HSD17B12: variants seen among roughly 807,000 people sequenced by gnomAD.
HSD17B12 encodes very-long-chain 3-oxoacyl-CoA reductase.
Under a neutral mutation model 39.3 loss-of-function variants are expected in HSD17B12, and 32 were observed. The observed-to-expected ratio is 0.81, with a 90% confidence interval of 0.61 to 1.09. The LOEUF (loss-of-function observed/expected upper bound fraction) is 1.09, where lower values mean the gene tolerates loss of function less well. HSD17B12 is among the 50% of genes least tolerant of loss of function. HSD17B12 has a pLI of 0.00. For missense variants in HSD17B12, 342 were observed against 382.9 expected (o/e 0.89, Z 0.89); for synonymous variants, 150 against 146.7 (o/e 1.02, Z -0.16).
the HSD17B12 span, among the ~76,000 whole-genome samples, chr11:43,601,672 C>T: frequency 3.9e-5 from 6 of 152,170 alleles, no homozygotes; most frequent in Non-Finnish European, 5.9e-5. Context: ...CACCCTCTGG[C>T]TTCAGATTCA....
At chr11:43,773,728 A>C (rs1950671581) in intron 3 of HSD17B12, among the ~76,000 whole-genome samples, 1 of 152,144 alleles carries the variant, frequency 6.6e-6, no homozygotes, top group Non-Finnish European at 1.5e-5. Flanking sequence ...GTGCAGTGTA[A>C]ATTTTTCATG....
the HSD17B12 span, among the ~76,000 whole-genome samples, chr11:43,619,246 A>T: frequency 3.7e-5 from 1 of 26,760 alleles, no homozygotes; most frequent in African/African-American, 2.5e-4. Flanking sequence ...TATATATAAA[A>T]TATATATATA....
intron 9 of HSD17B12, among the ~76,000 whole-genome samples, chr11:43,847,659 A>G (rs931700105): frequency 1.5e-4 from 21 of 137,432 alleles, no homozygotes; most frequent in African/African-American, 4.6e-4. Context: ...GTGAGCTGTG[A>G]TGGTGTCACT....
Position 43,786,378 on chromosome 11 carries a change from T to G in HSD17B12, c.284-11942T>G, listed in dbSNP as rs554090094. Among the ~76,000 whole-genome samples the G allele has an allele frequency of 2.0e-5, 3 of 152,350 alleles. No homozygotes were observed. The East Asian group carries it at 5.8e-4, about 29-fold the overall frequency. ...AGGGATATTTTTAAATGAAACTGAC[T>G]TTTTTCTTTTTTACTACAAGTATGT... On this transcript the variant is annotated intron_variant, in intron 3 of 10. Coordinates refer to ENST00000278353, the MANE Select transcript of HSD17B12 (RefSeq NM_016142.3).
At chr11:43,839,534 A>G (rs1951404544) in intron 8 of HSD17B12, among the ~76,000 whole-genome samples, 1 of 152,070 alleles carries the variant, frequency 6.6e-6, no homozygotes, top group African/African-American at 2.4e-5. Context: ...ATTCACCTCT[A>G]TACTTCTTGG....
At chr11:43,663,144 G>A in the HSD17B12 span, among the ~76,000 whole-genome samples, 5 of 152,208 alleles carry the variant, frequency 3.3e-5, no homozygotes, top group East Asian at 5.8e-4. Flanking sequence ...GTGCAGTGGC[G>A]TGATCTCAGC....
the HSD17B12 span, among the ~76,000 whole-genome samples, chr11:43,625,273 T>C: frequency 6.6e-6 from 1 of 151,654 alleles, no homozygotes; most frequent in East Asian, 1.9e-4. Context: ...CTCTTCAAGA[T>C]GGCATATTTA....
intron 1 of HSD17B12, among the ~76,000 whole-genome samples, chr11:43,686,191 C>T (rs1383930617): frequency 6.6e-6 from 1 of 152,032 alleles, no homozygotes; most frequent in African/African-American, 2.4e-5. Flanking sequence ...GGTATAGATA[C>T]CTGTTCTTAC....
intron 4 of HSD17B12, among the ~76,000 whole-genome samples, chr11:43,799,532 T>G (rs962367778): frequency 1.3e-5 from 2 of 152,172 alleles, no homozygotes; most frequent in Admixed American, 6.6e-5. Flanking sequence ...TTTGTTAACT[T>G]TCCCACCGCT....
chr11:43,792,536 C>G (rs962415949), intron 3 of HSD17B12, among the ~76,000 whole-genome samples: 18 of 152,110 alleles, frequency 1.2e-4, no homozygotes, highest in African/African-American at 4.1e-4. Flanking sequence ...TATATGTGCC[C>G]CTGAGCCAAG....
At chr11:43,816,446 A>C in intron 6 of HSD17B12, 55 bp downstream of exon 6, 5 of 1,440,112 alleles carry the variant, frequency 3.5e-6, no homozygotes, top group Non-Finnish European at 4.7e-6. Context: ...CTATTCAAAA[A>C]CACTGACATA....
At chr11:43,702,800 T>A (rs1486649113) in intron 1 of HSD17B12, among the ~76,000 whole-genome samples, 1 of 152,172 alleles carries the variant, frequency 6.6e-6, no homozygotes, top group Middle Eastern at 3.2e-3. Context: ...AACATGAGAT[T>A]TTTTTTGCAA....
chr11:43,831,213 T>A lies in HSD17B12; in HGVS notation c.536+203T>A, dbSNP rs1951307145. On this transcript the variant is annotated intron_variant, in intron 7 of 10. Coordinates refer to ENST00000278353, the MANE Select transcript of HSD17B12 (RefSeq NM_016142.3). The surrounding 1 kb of genome is among the most constrained non-coding windows in gnomAD (Gnocchi z 4.1). ...CTTTTCCACTCGATTCCCTTTTTATTTCTCTCTCTAGGGTTGTAGTGGTTC... is the reference window on the plus strand; with the variant it reads ...CTTTTCCACTCGATTCCCTTTTTATATCTCTCTCTAGGGTTGTAGTGGTTC... 2.4e-6 allele frequency: 1 copy of A among 421,954 alleles called. No individual in the cohort carries two copies. The highest frequency in any genetic ancestry group is 4.3e-5 in the Admixed American group (1 of 23,028). 26.1% of individuals were successfully genotyped at this position (421,954 alleles called of 1,614,324 possible).
chr11:43,843,102 T>A (rs977540224), intron 9 of HSD17B12, among the ~76,000 whole-genome samples: 4 of 152,216 alleles, frequency 2.6e-5, no homozygotes, highest in African/African-American at 4.8e-5. Flanking sequence ...GTCATTGTGT[T>A]TTGTCATATG....
chr11:43,649,823 G>C, the HSD17B12 span, among the ~76,000 whole-genome samples: 1 of 152,188 alleles, frequency 6.6e-6, no homozygotes, highest in Non-Finnish European at 1.5e-5. Flanking sequence ...CCTGCCTTTT[G>C]GAAGCTGACC....
intron 1 of HSD17B12, among the ~76,000 whole-genome samples, chr11:43,723,397 G>A (rs1950192383): frequency 6.6e-6 from 1 of 152,080 alleles, no homozygotes; most frequent in Non-Finnish European, 1.5e-5. Context: ...GACTAGATCT[G>A]TCATTCAATT....
the HSD17B12 span, chr11:43,672,916 C>T: frequency 6.6e-6 from 1 of 152,128 alleles, no homozygotes; most frequent in Non-Finnish European, 1.5e-5. Context: ...GGGAAACCTC[C>T]CAATTTCTAA....
At chr11:43,742,417 G>A (rs2134918665) in intron 1 of HSD17B12, among the ~76,000 whole-genome samples, 1 of 151,966 alleles carries the variant, frequency 6.6e-6, no homozygotes, top group Non-Finnish European at 1.5e-5. Context: ...ATTGGGATGA[G>A]CCACTGTGCC....
chr11:43,798,619 C>T (rs1204812301), intron 4 of HSD17B12, among the ~76,000 whole-genome samples, 192 bp downstream of exon 4: 3 of 152,064 alleles, frequency 2.0e-5, no homozygotes, highest in Non-Finnish European at 4.4e-5. Context: ...ATATTAACAA[C>T]ATACAATTTT....
Sources: allele counts gnomAD v4.1 joint callset (sites outside exome capture counted in the v4.1 genomes callset), GRCh38; gene constraint gnomAD v4.1.1; non-coding constraint Gnocchi (gnomAD v3.1); transcripts MANE v1.5; gene names NCBI Gene and HGNC (gene_info 2026-07-23, HGNC 2026-07-21).